Variants in NF2 observed in about 807,000 individuals in gnomAD.
NF2 encodes the protein NF2, moesin-ezrin-radixin like (MERLIN) tumor suppressor.
NF2 carries 8 observed loss-of-function variants against 83.7 expected under a neutral mutation model. The observed-to-expected ratio is 0.10, with a 90% CI of 0.06 to 0.17. NF2 has a LOEUF of 0.17. Ranked by LOEUF, NF2 falls within the 10% of genes least tolerant of loss-of-function variation. NF2 has a pLI of 1.00. For missense variants in NF2, 533 were observed against 744.4 expected (o/e 0.72, Z 3.31); for synonymous variants, 266 against 269.6 (o/e 0.99, Z 0.13).
At chr22:29,676,700 C>A (rs2147101093) in intron 13 of NF2, among the ~76,000 whole-genome samples, 1 of 152,244 alleles carries the variant, frequency 6.6e-6, no homozygotes, top group African/African-American at 2.4e-5. Flanking sequence ...CATCCCTGAA[C>A]ACAAATCTTG....
chr22:29,683,628 G>A, intron 15 of NF2: 7 of 1,091,924 alleles, frequency 6.4e-6, no homozygotes, highest in Non-Finnish European at 7.8e-6. Flanking sequence ...CAAACCCAGA[G>A]CACAGGGTCT....
intron 1 of NF2, among the ~76,000 whole-genome samples, chr22:29,624,838 TTTCTTTC>T (rs2065311974): frequency 6.6e-6 from 1 of 150,448 alleles, no homozygotes; most frequent in Non-Finnish European, 1.5e-5. Flanking sequence ...TCTTTCTTTC[TTTCTTTC>T]TTTCTTTCTT....
chr22:29,646,927 T>G (rs574008287), intron 4 of NF2, among the ~76,000 whole-genome samples: 12 of 151,816 alleles, frequency 7.9e-5, no homozygotes, highest in African/African-American at 2.9e-4. Flanking sequence ...TCCCAGCTAC[T>G]TGGGAGGCTG....
At chr22:29,609,302 T>C (rs1425823966) in intron 1 of NF2, 3 of 677,450 alleles carry the variant, frequency 4.4e-6, no homozygotes, top group Non-Finnish European at 8.5e-6. Flanking sequence ...AAAGGTTCAC[T>C]GGTTGAGGAT....
At chr22:29,689,663 C>T (rs2067355502) in intron 15 of NF2, among the ~76,000 whole-genome samples, 1 of 152,094 alleles carries the variant, frequency 6.6e-6, no homozygotes, top group South Asian at 2.1e-4. Context: ...TGAGGCAAGG[C>T]CCCCAGAGAC....
rs141352725 is a variant in NF2, at chr22:29,659,446, G to A, written c.675+1182G>A. Among the ~76,000 whole-genome samples the A allele has an allele frequency of 4.9e-3, 746 of 152,326 alleles. 3 individuals are homozygous for A. Among genetic ancestry groups the A allele is most frequent in the South Asian group, 0.023 (110 of 4,828 alleles). ...CCCCAGCCTTCCAAGTAGCTGGGGA[G>A]TATCACTGTGCCTGGCTGAAAAGGT... On this transcript the variant is annotated intron_variant, in intron 7 of 15. Coordinates refer to ENST00000338641, the MANE Select transcript of NF2 (RefSeq NM_000268.4).
rs2067483613 is a variant in NF2 at position 29,694,245 on chromosome 22, AG to A, written c.1738-503del. The stretch of plus-strand genomic sequence containing the variant: ...GACCACCTGGGAAACCAGGAGTAGA[AG>A]GGGTAAACTCTTCCTCATCTGCCAC... On this transcript the variant is annotated intron_variant, in intron 15 of 15. Transcript: ENST00000338641. The surrounding 1 kb of genome is among the most constrained non-coding windows in gnomAD (Gnocchi z 4.1). Among the ~76,000 whole-genome samples, 2 of 152,208 alleles carry A rather than the reference AG, an allele frequency of 1.3e-5. No homozygotes were observed. Among genetic ancestry groups the A allele is most frequent in the African/African-American group, 4.8e-5 (2 of 41,452 alleles).
chr22:29,685,423 A>G (rs756850224), intron 15 of NF2, among the ~76,000 whole-genome samples: 1 of 149,912 alleles, frequency 6.7e-6, no homozygotes, highest in Non-Finnish European at 1.5e-5. Flanking sequence ...TGTTTTTAAT[A>G]AGGTTTTTTG....
chr22:29,655,225 C>T (rs765441109), intron 5 of NF2, among the ~76,000 whole-genome samples: 3 of 152,170 alleles, frequency 2.0e-5, no homozygotes, highest in Non-Finnish European at 2.9e-5. Context: ...CCGTTTCTCA[C>T]CTCTCACTCT....
chr22:29,694,674 T>A lies in NF2; in HGVS notation c.1738-78T>A, dbSNP rs961254517. 31 of 1,478,524 alleles carry A rather than the reference T, an allele frequency of 2.1e-5. No individual in the cohort carries two copies. The African/African-American group carries it at 3.9e-4, about 19-fold the overall frequency. The allele number at this position is 1,478,524 out of a possible 1,614,324, so 91.6% of individuals were successfully genotyped here. Reference sequence around the variant, plus strand: ...CGCTCCCAGCCACCTTTGAGGTGAGTCCAAGTGGCAGGACAGGACCCTGTG... The same window carrying A: ...CGCTCCCAGCCACCTTTGAGGTGAGACCAAGTGGCAGGACAGGACCCTGTG... On this transcript the variant is annotated intron_variant, in intron 15 of 15. Transcript: ENST00000338641. The surrounding 1 kb of genome is among the most constrained non-coding windows in gnomAD (Gnocchi z 4.1).
chr22:29,684,508 G>C (rs1014033643), intron 15 of NF2, among the ~76,000 whole-genome samples: 4 of 152,226 alleles, frequency 2.6e-5, no homozygotes, highest in African/African-American at 9.6e-5. Flanking sequence ...TAATGATGCA[G>C]AATGCTGAAA....
chr22:29,637,642 G>GC (rs1346093441), intron 2 of NF2, among the ~76,000 whole-genome samples: 1 of 151,600 alleles, frequency 6.6e-6, no homozygotes, highest in Non-Finnish European at 1.5e-5. Context: ...CCCAAATGAT[G>GC]CCCCCTCCAG....
chr22:29,684,016 C>A, intron 15 of NF2: 1 of 728,512 alleles, frequency 1.4e-6, no homozygotes, highest in Non-Finnish European at 1.7e-6. Context: ...AGTTTCTGCT[C>A]ATAGAGTGGA....
intron 13 of NF2, among the ~76,000 whole-genome samples, chr22:29,677,482 T>C (rs898872296): frequency 3.3e-5 from 5 of 151,302 alleles, no homozygotes; most frequent in African/African-American, 1.2e-4. Context: ...GATGACCCTT[T>C]GTGCTGGGAT....
chr22:29,634,614 C>G (rs1348432855), intron 1 of NF2, among the ~76,000 whole-genome samples: 1 of 152,142 alleles, frequency 6.6e-6, no homozygotes, highest in East Asian at 1.9e-4. Context: ...CTTCTCAACC[C>G]TTGGGTGTTT....
At chr22:29,676,659 C>G (rs1169748632) in intron 13 of NF2, among the ~76,000 whole-genome samples, 1 of 152,104 alleles carries the variant, frequency 6.6e-6, no homozygotes, top group African/African-American at 2.4e-5. Context: ...AGTCTGTTTT[C>G]TTTTGCAATT....
intron 8 of NF2, 67 bp downstream of exon 8, chr22:29,661,406 C>G (rs563652413): frequency 1.3e-6 from 2 of 1,599,872 alleles, no homozygotes; most frequent in Non-Finnish European, 1.7e-6. Context: ...TCACTGGAGC[C>G]TCCCCAGCCA....
intron 9 of NF2, among the ~76,000 whole-genome samples, chr22:29,667,911 C>A (rs1384075114): frequency 6.6e-6 from 1 of 152,066 alleles, no homozygotes; most frequent in African/African-American, 2.4e-5. Flanking sequence ...AGTATTTAAT[C>A]CTTCTGGAGT....
At chr22:29,619,841 C>A (rs1221525698) in intron 1 of NF2, among the ~76,000 whole-genome samples, 1 of 152,132 alleles carries the variant, frequency 6.6e-6, no homozygotes, top group Non-Finnish European at 1.5e-5. Context: ...TCCACTGGAC[C>A]CCATTCTGCC....
Sources: gnomAD v4.1 joint callset for allele counts (sites outside exome capture counted in the v4.1 genomes callset) on GRCh38, gnomAD v4.1.1 for gene constraint, Gnocchi (gnomAD v3.1) non-coding constraint, MANE v1.5 for transcripts, NCBI Gene and HGNC (gene_info 2026-07-23, HGNC 2026-07-21) for gene names.